Variants in RBM4 observed in about 807,000 individuals in gnomAD.
RBM4 encodes RNA-binding protein 4.
Under a neutral mutation model 29.5 loss-of-function variants are expected in RBM4, and 7 were observed. The ratio of observed to expected loss-of-function variants is 0.24; its 90% CI spans 0.14 to 0.45. The LOEUF (loss-of-function observed/expected upper bound fraction) is 0.45. Ranked by LOEUF, RBM4 falls within the 20% of genes least tolerant of loss-of-function variation. The pLI, the probability that RBM4 is intolerant of heterozygous loss-of-function variation, is 1.00. For synonymous variants in RBM4, 220 were observed against 205.4 expected (o/e 1.07, Z -0.61); for missense variants, 387 against 502.3 (o/e 0.77, Z 2.19).
chr11:66,641,225 AAAC>A (rs1328301765), intron 2 of RBM4: 82 of 152,370 alleles, frequency 5.4e-4, no homozygotes, highest in African/African-American at 2.0e-3. Context: ...GCTATATTTC[AAAC>A]CTGTGTTCTG....
At position 66,643,933 on chromosome 11, in the gene RBM4, C is replaced by T; in HGVS notation, c.896C>T (p.Ala299Val). ...AAAAAAAVTAASTSYYGRDRS... is the reference protein window; with the variant it reads ...AAAAAAAVTAVSTSYYGRDRS... ...GCAGCCGCTGCTGCTGTTACTGCAG[C>T]TTCCACTTCATATTACGGGCGGGAT... The change falls in exon 3 of 4, where the codon GCT becomes GTT. Residue 299 changes from alanine to valine, a missense_variant. Coordinates refer to ENST00000310092, the MANE Select transcript of RBM4 (RefSeq NM_002896.4). This position sits in a 1 kb window ranked among gnomAD's most constrained non-coding sequence, Gnocchi z 6.1. 6.2e-7 allele frequency: 1 copy of T among 1,613,472 alleles called. No individual in the cohort carries two copies. The highest frequency in any genetic ancestry group is 8.5e-7 in the Non-Finnish European group (1 of 1,180,002).
chr11:66,644,696 A>C (rs1938616253), intron 3 of RBM4: 2 of 983,758 alleles, frequency 2.0e-6, no homozygotes, highest in African/African-American at 1.7e-5. Context: ...TATTTCTGAC[A>C]TTCCTGAACC....
intron 3 of RBM4, chr11:66,644,684 C>T (rs1055376848): frequency 3.0e-6 from 3 of 984,406 alleles, no homozygotes; most frequent in East Asian, 1.1e-4. Flanking sequence ...AATCTTGAAG[C>T]GTATTTCTGA....
chr11:66,640,421 T>A, intron 2 of RBM4: 1 of 524,964 alleles, frequency 1.9e-6, no homozygotes. Flanking sequence ...GGGCCTTTTT[T>A]ATTTTTTATT....
exon 3 of RBM4, chr11:66,668,364 A>G: frequency 2.2e-6 from 1 of 445,182 alleles, no homozygotes; most frequent in Non-Finnish European, 4.0e-6. Flanking sequence ...TGATTAAAGA[A>G]TGTTCTCACT....
downstream of RBM4, among the ~76,000 whole-genome samples, chr11:66,650,639 G>A (rs1301165899): frequency 7.3e-5 from 11 of 151,184 alleles, no homozygotes; most frequent in Non-Finnish European, 8.8e-5. Flanking sequence ...CGAGGTGGGC[G>A]GATCACGAGG....
At chr11:66,641,869 CTT>C (rs1006169451) in intron 2 of RBM4, among the ~76,000 whole-genome samples, 4 of 152,112 alleles carry the variant, frequency 2.6e-5, no homozygotes, top group African/African-American at 4.8e-5. Flanking sequence ...CTTAAAATCT[CTT>C]TTAGATATTT....
rs1196857835 is a variant in RBM4 at position 66,643,621 on chromosome 11, G to C, written c.584G>C (p.Gly195Ala). ...ACCGAGCAATATAATGAGCAATACG[G>C]AGCAGTGCGTACGCCTTACACCATG... is the stretch of plus-strand genomic sequence containing the variant. Reference protein sequence around the residue: ...DLTEQYNEQYGAVRTPYTMSY... With the variant: ...DLTEQYNEQYAAVRTPYTMSY... The change falls in exon 3 of 4, where the codon GGA becomes GCA. Residue 195 changes from glycine to alanine, a missense_variant. Gly to Ala is a moderately conservative substitution (Grantham distance 60, BLOSUM62 0). Transcript: ENST00000310092. The surrounding 1 kb of genome is among the most constrained non-coding windows in gnomAD (Gnocchi z 6.1). 1 of 1,614,188 alleles carries C rather than the reference G, an allele frequency of 6.2e-7. No individual in the cohort carries two copies. Among genetic ancestry groups the C allele is most frequent in the Admixed American group, 1.7e-5 (1 of 60,022 alleles).
rs1938546146 is a variant in RBM4, at chr11:66,643,299, TC to T, written c.413-150del. 9.8e-7 allele frequency: 1 copy of T among 1,015,976 alleles called. No individual in the cohort carries two copies. The highest frequency in any genetic ancestry group is 2.7e-5 in the East Asian group (1 of 37,514). 62.9% of individuals were successfully genotyped at this position (1,015,976 alleles called of 1,614,324 possible). Reference sequence around the variant, plus strand: ...CATTATACTGAATCTATATGTTGAGTCTTTTTTTTTTTTCCTTTTTATCTTT... The same window carrying T: ...CATTATACTGAATCTATATGTTGAGTTTTTTTTTTTTTCCTTTTTATCTTT... On this transcript the variant is annotated intron_variant, in intron 2 of 3. Transcript: ENST00000310092. The surrounding 1 kb of genome is among the most constrained non-coding windows in gnomAD (Gnocchi z 6.1).
At chr11:66,667,671 G>A (rs1939285894) in exon 3 of RBM4, 1 of 150,826 alleles carries the variant, frequency 6.6e-6, no homozygotes, top group Admixed American at 6.6e-5. Context: ...AGTTTCCTTT[G>A]ACAAAGGACA....
chr11:66,658,947 A>AATAT (rs1343680462), intron 2 of RBM4, among the ~76,000 whole-genome samples: 4 of 147,496 alleles, frequency 2.7e-5, no homozygotes, highest in African/African-American at 1.0e-4. Context: ...AAAAAAAAAA[A>AATAT]ATATATATAT....
intron 2 of RBM4, among the ~76,000 whole-genome samples, chr11:66,662,429 TCTCA>T (rs1278989026): frequency 6.6e-6 from 1 of 152,052 alleles, no homozygotes; most frequent in African/African-American, 2.4e-5. Context: ...TGAGACAGAG[TCTCA>T]CTCTGTTGCC....
intron 2 of RBM4, among the ~76,000 whole-genome samples, chr11:66,659,179 A>T (rs570035768): frequency 6.7e-6 from 1 of 148,940 alleles, no homozygotes; most frequent in Non-Finnish European, 1.5e-5. Context: ...GGTGCTAAAG[A>T]CTCTTGATAT....
intron 3 of RBM4, 100 bp downstream of exon 3, chr11:66,644,240 G>A: frequency 6.8e-7 from 1 of 1,471,370 alleles, no homozygotes; most frequent in Non-Finnish European, 9.1e-7. Flanking sequence ...GCTTTTGCAG[G>A]GTTAGGGGAA....
downstream of RBM4, among the ~76,000 whole-genome samples, chr11:66,647,534 C>T (rs1485687962): frequency 2.0e-5 from 3 of 152,122 alleles, no homozygotes; most frequent in Non-Finnish European, 4.4e-5. Flanking sequence ...TGGGTTGGTT[C>T]TCTGCCATTT....
At chr11:66,639,569 T>C (rs1302156496) in intron 1 of RBM4, 131 bp from the exon 2 acceptor site, 2 of 1,130,068 alleles carry the variant, frequency 1.8e-6, no homozygotes, top group Non-Finnish European at 2.5e-6. Context: ...CATTTGATTA[T>C]TGTGTGGAGG....
downstream of RBM4, chr11:66,646,574 G>A (rs561662665): frequency 1.1e-5 from 11 of 982,856 alleles, no homozygotes; most frequent in African/African-American, 5.2e-5. Flanking sequence ...TTGGGTGAAC[G>A]TCACTGTAGT....
intron 2 of RBM4, among the ~76,000 whole-genome samples, chr11:66,660,934 C>G (rs989377961): frequency 6.6e-5 from 10 of 152,162 alleles, no homozygotes; most frequent in African/African-American, 2.4e-4. Context: ...GGATTACAGG[C>G]GTGAGCCACT....
intron 2 of RBM4, among the ~76,000 whole-genome samples, chr11:66,642,702 A>G (rs1013467228): frequency 1.3e-5 from 2 of 152,174 alleles, no homozygotes; most frequent in African/African-American, 4.8e-5. Flanking sequence ...CTAAAATTTC[A>G]GGCATTTGAG....
Sources: gnomAD v4.1 joint callset for allele counts (sites outside exome capture counted in the v4.1 genomes callset) on GRCh38, gnomAD v4.1.1 for gene constraint, Gnocchi (gnomAD v3.1) non-coding constraint, MANE v1.5 for transcripts, NCBI Gene and HGNC (gene_info 2026-07-23, HGNC 2026-07-21) for gene names.